Variants in RGS7 observed in about 807,000 individuals in gnomAD.
RGS7 encodes regulator of G protein signaling 7.
A neutral mutation model predicts 81.1 loss-of-function variants in RGS7; 27 were observed. The ratio of observed to expected loss-of-function variants is 0.33; its 90% confidence interval spans 0.25 to 0.46. The LOEUF (loss-of-function observed/expected upper bound fraction) is 0.46, where lower values mean the gene tolerates loss of function less well. Among genes scored for constraint, RGS7 ranks in the 20% least tolerant of loss-of-function variants. The pLI is 1.00. For synonymous variants in RGS7, 208 were observed against 207.7 expected, an observed-to-expected ratio of 1.00 and a Z score of -0.01; for missense variants, 396 against 607.4, an observed-to-expected ratio of 0.65 and a Z score of 3.66.
chr1:241,185,026 T>G lies in RGS7; in HGVS notation c.79-86264A>C, dbSNP rs1573028137. Among the ~76,000 whole-genome samples the G allele has an allele frequency of 2.0e-5, 3 of 152,200 alleles. 1 individual carries two copies. The highest frequency in any genetic ancestry group is 7.2e-5 in the African/African-American group (3 of 41,468). ...TTGCAGGAGGTAATATTCTAAAGTA[T>G]GTCCACAACAGAAAAATCAGGTAAA... is the stretch of plus-strand genomic sequence containing the variant. On this transcript the variant is annotated intron_variant, in intron 2 of 18. Transcript: ENST00000440928.
At chr1:241,097,613 C>T (rs1198905300) in intron 3 of RGS7, among the ~76,000 whole-genome samples, 2 of 152,096 alleles carry the variant, frequency 1.3e-5, no homozygotes, top group Non-Finnish European at 2.9e-5. Context: ...TCAGCATCAG[C>T]CGCCTTCTTC....
At chr1:240,831,072 A>T (rs569707651) in intron 9 of RGS7, among the ~76,000 whole-genome samples, 99 of 152,312 alleles carry the variant, frequency 6.5e-4, no homozygotes, top group African/African-American at 2.3e-3. Flanking sequence ...GAACGGTAAG[A>T]TATGTTTTAT....
intron 10 of RGS7, among the ~76,000 whole-genome samples, chr1:240,817,668 T>A (rs1397790938): frequency 2.6e-5 from 4 of 152,160 alleles, no homozygotes; most frequent in Admixed American, 6.5e-5. Flanking sequence ...AGTGGCGTAA[T>A]CTTGGCTCAC....
chr1:241,161,767 G>A (rs1306101986), intron 2 of RGS7, among the ~76,000 whole-genome samples: 1 of 149,382 alleles, frequency 6.7e-6, no homozygotes, highest in Non-Finnish European at 1.5e-5. Flanking sequence ...GCTCAGGCTG[G>A]AGTGCAATGG....
At chr1:241,311,388 T>A (rs2080522546) in intron 2 of RGS7, among the ~76,000 whole-genome samples, 1 of 152,172 alleles carries the variant, frequency 6.6e-6, no homozygotes, top group African/African-American at 2.4e-5. Flanking sequence ...GGCTAAGAAA[T>A]ACATACATAC....
At chr1:241,350,850 G>C (rs963963034) in intron 2 of RGS7, among the ~76,000 whole-genome samples, 23 of 151,672 alleles carry the variant, frequency 1.5e-4, no homozygotes, top group Admixed American at 1.3e-3. Context: ...GTCCTGCACT[G>C]ACAAACCCAC....
rs145048280 is a variant in RGS7, at chr1:241,243,181, T to C, written c.78+112518A>G. Among the ~76,000 whole-genome samples, 202 of 152,338 alleles carry C rather than the reference T, an allele frequency of 1.3e-3. 2 individuals carry two copies. Among genetic ancestry groups the C allele is most frequent in the African/African-American group, 4.6e-3 (191 of 41,580 alleles). On this transcript the variant is annotated intron_variant, in intron 2 of 18. Coordinates refer to ENST00000440928, the MANE Select transcript of RGS7 (RefSeq NM_001364886.1). ...GAATTGATGAGTGTCACCTGAACTA[T>C]CTTGAACATTTCATGTCACATTGCA...
chr1:240,774,906 C>T (rs1682760889), downstream of RGS7, among the ~76,000 whole-genome samples: 1 of 152,172 alleles, frequency 6.6e-6, no homozygotes, highest in Admixed American at 6.5e-5. Flanking sequence ...ATAGCATTTA[C>T]ATTGTATCAG....
rs979024780 is a variant in RGS7, at chr1:241,299,995, A to G, written c.78+55704T>C. 7.3e-5 allele frequency among the ~76,000 whole-genome samples: 11 copies of G among 150,532 alleles called. No homozygotes were observed. The Admixed American group carries it at 7.3e-4, about 10-fold the overall frequency. ...CCAGGAGTGATGGTACACACTTGTA[A>G]TACCAGCCACTCGGGAGGCTGGGGT... On this transcript the variant is annotated intron_variant, in intron 2 of 18. Coordinates refer to ENST00000440928, the MANE Select transcript of RGS7 (RefSeq NM_001364886.1).
intron 3 of RGS7, among the ~76,000 whole-genome samples, chr1:240,996,277 G>C (rs1687271282): frequency 6.6e-6 from 1 of 152,136 alleles, no homozygotes; most frequent in African/African-American, 2.4e-5. Flanking sequence ...GCTTTTTGCT[G>C]TTAGTTGGAA....
At chr1:240,945,157 T>C (rs1678389239) in intron 4 of RGS7, among the ~76,000 whole-genome samples, 1 of 152,238 alleles carries the variant, frequency 6.6e-6, no homozygotes, top group South Asian at 2.1e-4. Flanking sequence ...TTTGCCTCCT[T>C]GTGTCAAAGG....
chr1:241,333,952 G>A (rs1454136679), intron 2 of RGS7, among the ~76,000 whole-genome samples: 2 of 151,344 alleles, frequency 1.3e-5, no homozygotes, highest in Admixed American at 1.3e-4. Flanking sequence ...TAATATTATT[G>A]TAATAGCAAT....
chr1:241,215,236 G>A (rs2074476894), intron 2 of RGS7, among the ~76,000 whole-genome samples: 1 of 152,252 alleles, frequency 6.6e-6, no homozygotes, highest in East Asian at 1.9e-4. Flanking sequence ...ATGAGGATAT[G>A]TCTATTTTAG....
At chr1:240,914,172 A>G (rs1358062515) in intron 6 of RGS7, among the ~76,000 whole-genome samples, 1 of 151,330 alleles carries the variant, frequency 6.6e-6, no homozygotes, top group Admixed American at 6.6e-5. Flanking sequence ...ATCAATTTAG[A>G]AACACTCATC....
Position 240,815,297 on chromosome 1 carries a change from A to G in RGS7, c.784-520T>C, listed in dbSNP as rs1242639708. On this transcript the variant is annotated intron_variant, in intron 11 of 18. Transcript: ENST00000440928. ...GCAGAGGTTGCAGTGAGCTGAGATC[A>G]CACCACTGCACTCCAGCCTGGGTGA... Among the ~76,000 whole-genome samples the G allele has an allele frequency of 2.0e-5, 3 of 152,250 alleles. No homozygotes were observed. In the East Asian group the frequency reaches 5.8e-4, roughly 29 times the overall value.
At chr1:240,854,557 C>G (rs139010502) in intron 9 of RGS7, among the ~76,000 whole-genome samples, 1 of 152,196 alleles carries the variant, frequency 6.6e-6, no homozygotes, top group South Asian at 2.1e-4. Context: ...CGCTACGCCT[C>G]GTCTGGACTT....
intron 3 of RGS7, among the ~76,000 whole-genome samples, chr1:241,022,939 C>A (rs999366576): frequency 9.9e-5 from 15 of 151,978 alleles, no homozygotes; most frequent in Non-Finnish European, 2.2e-4. Context: ...CATGGAGATA[C>A]CACTACTAAT....
intron 18 of RGS7, among the ~76,000 whole-genome samples, chr1:240,779,616 G>GCA (rs1683637414): frequency 6.6e-6 from 1 of 152,150 alleles, no homozygotes; most frequent in Non-Finnish European, 1.5e-5. Context: ...AGAACTGTGA[G>GCA]AGATAAATTT....
intron 2 of RGS7, among the ~76,000 whole-genome samples, chr1:241,222,929 C>T (rs540948608): frequency 3.9e-4 from 58 of 148,976 alleles, no homozygotes; most frequent in African/African-American, 1.3e-3. Context: ...GTTTTCTGTT[C>T]TTGCAATAGT....
Sources: allele counts gnomAD v4.1 joint callset (sites outside exome capture counted in the v4.1 genomes callset), GRCh38; gene constraint gnomAD v4.1.1; transcripts MANE v1.5; gene names NCBI Gene and HGNC (gene_info 2026-07-23, HGNC 2026-07-21).